The following IGF2BP1 variants were observed in gnomAD, a reference collection of about 807,000 sequenced individuals.
The protein encoded by IGF2BP1 is insulin like growth factor 2 mRNA binding protein 1, also known as insulin-like growth factor 2 mRNA-binding protein 1.
IGF2BP1 carries 11 observed loss-of-function variants against 74.9 expected under a neutral mutation model. The observed-to-expected ratio is 0.15, with a 90% CI of 0.09 to 0.24. IGF2BP1 has a LOEUF of 0.24. IGF2BP1 is among the 10% of genes least tolerant of loss of function. The pLI is 1.00. For missense variants in IGF2BP1, 440 were observed against 757.4 expected (o/e 0.58, Z 4.92); for synonymous variants, 287 against 281.8 (o/e 1.02, Z -0.18).
At chr17:49,049,167 A>C (rs1421783213) in intron 14 of IGF2BP1, among the ~76,000 whole-genome samples, 185 bp from the exon 15 acceptor site, 1 of 152,122 alleles carries the variant, frequency 6.6e-6, no homozygotes, top group African/African-American at 2.4e-5. Context: ...GGGGATACTC[A>C]GGCTCCACTG....
intron 2 of IGF2BP1, among the ~76,000 whole-genome samples, chr17:49,025,313 A>AGAGTGT (rs2041838295): frequency 3.0e-5 from 4 of 133,554 alleles, no homozygotes; most frequent in African/African-American, 2.8e-5. Context: ...GGACAAACAA[A>AGAGTGT]GTGTGTGTGT....
rs181945006 is a variant in IGF2BP1, at chr17:49,052,963, C to A, written c.*3519C>A. ...ACTTTGAAGCTGCATCTGCCAGTTA[C>A]ACCCCAAATGGCTTTAATCCCCTCT... On this transcript the variant is annotated 3_prime_UTR_variant, in exon 15 of 15. Transcript: ENST00000290341. 2 of 152,254 alleles carry A rather than the reference C, an allele frequency of 1.3e-5. No individual in the cohort carries two copies. Among genetic ancestry groups the A allele is most frequent in the Non-Finnish European group, 2.9e-5 (2 of 68,064 alleles). The allele number at this position is 152,254 out of a possible 1,614,324, so 9.4% of individuals were successfully genotyped here. A position where few individuals can be genotyped will look rare whatever the true frequency, so the allele number is the denominator to read the frequency against.
rs1426779394 is a variant in IGF2BP1 at position 49,055,618 on chromosome 17, T to A, written c.*6174T>A. On this transcript the variant is annotated 3_prime_UTR_variant, in exon 15 of 15. Transcript: ENST00000290341. ...AAATGAATTTCAGCAGATTATGTGTTACCATAATGAATAAACGTCCTCTAT... is the reference window on the plus strand; with the variant it reads ...AAATGAATTTCAGCAGATTATGTGTAACCATAATGAATAAACGTCCTCTAT... The A allele has an allele frequency of 2.5e-6, 1 of 398,512 alleles. No individual in the cohort carries two copies. Among genetic ancestry groups the A allele is most frequent in the African/African-American group, 2.1e-5 (1 of 48,634 alleles). 24.7% of individuals were successfully genotyped at this position (398,512 alleles called of 1,614,324 possible). A position where few individuals can be genotyped will look rare whatever the true frequency, so the allele number is the denominator to read the frequency against.
At chr17:49,025,094 A>C (rs1490377341) in intron 2 of IGF2BP1, among the ~76,000 whole-genome samples, 2 of 152,158 alleles carry the variant, frequency 1.3e-5, no homozygotes, top group Non-Finnish European at 2.9e-5. Flanking sequence ...AGGGAGGCTG[A>C]GGCAGGAGAA....
At position 49,055,451 on chromosome 17, in the gene IGF2BP1, A is replaced by G. The variant is rs1026116250; in HGVS notation, c.*6007A>G. On this transcript the variant is annotated 3_prime_UTR_variant, in exon 15 of 15. Transcript: ENST00000290341. ...CACCCCTGTCCCCCCTCCCCTGCCA[A>G]TAAGCTCCCCCAGGAATAAAGGCTT... The G allele has an allele frequency of 2.7e-6, 1 of 368,930 alleles. No individual in the cohort carries two copies. The highest frequency in any genetic ancestry group is 4.8e-6 in the Non-Finnish European group (1 of 208,048). 22.9% of individuals were successfully genotyped at this position (368,930 alleles called of 1,614,324 possible). A position where few individuals can be genotyped will look rare whatever the true frequency, so the allele number is the denominator to read the frequency against.
chr17:49,038,895 T>TTTTTTTA (rs71144559), intron 6 of IGF2BP1, among the ~76,000 whole-genome samples: 1 of 137,382 alleles, frequency 7.3e-6, no homozygotes, highest in African/African-American at 2.8e-5. Context: ...TTTTTTTTTT[T>TTTTTTTA]GAGACAGAGT....
Position 49,051,669 on chromosome 17 carries a change from G to A in IGF2BP1, c.*2225G>A, listed in dbSNP as rs1176060438. 1.3e-5 allele frequency: 2 copies of A among 151,976 alleles called. No individual in the cohort carries two copies. Among genetic ancestry groups the A allele is most frequent in the African/African-American group, 2.4e-5 (1 of 41,346 alleles). The allele number at this position is 151,976 out of a possible 1,614,324, so 9.4% of individuals were successfully genotyped here. On this transcript the variant is annotated 3_prime_UTR_variant, in exon 15 of 15. Transcript: ENST00000290341. ...TGAGATATTTTAAAATATTGCCTCC[G>A]TTTTATCGAGGAGAGAAATAATAAC... is the stretch of plus-strand genomic sequence containing the variant.
chr17:49,000,910 A>AGGCTCTTTTTTGAG (rs2143913460), intron 2 of IGF2BP1, among the ~76,000 whole-genome samples: 1 of 150,128 alleles, frequency 6.7e-6, no homozygotes, highest in African/African-American at 2.4e-5. Context: ...TTTGAGTTGG[A>AGGCTCTTTTTTGAG]ATGGAGAGGG....
intron 11 of IGF2BP1, among the ~76,000 whole-genome samples, chr17:49,044,635 G>A (rs1327181374): frequency 6.6e-6 from 1 of 152,220 alleles, no homozygotes; most frequent in Admixed American, 6.5e-5. Context: ...AACCTTGATT[G>A]TTCTCCAGTG....
intron 8 of IGF2BP1, 135 bp downstream of exon 8, chr17:49,041,635 A>T: frequency 8.5e-7 from 1 of 1,173,398 alleles, no homozygotes; most frequent in South Asian, 1.5e-5. Context: ...AAACAGTCGA[A>T]GTGGTAAAGA....
intron 9 of IGF2BP1, among the ~76,000 whole-genome samples, chr17:49,043,088 A>T (rs1029748801): frequency 2.6e-5 from 4 of 152,046 alleles, no homozygotes; most frequent in Non-Finnish European, 5.9e-5. Context: ...CCTTTTTCTC[A>T]TATAGGGGGT....
intron 11 of IGF2BP1, 86 bp from the exon 12 acceptor site, chr17:49,044,905 G>T: frequency 8.9e-7 from 1 of 1,129,700 alleles, no homozygotes; most frequent in Non-Finnish European, 1.3e-6. Flanking sequence ...TGGGAGTAAG[G>T]GTGGTAGAAG....
intron 2 of IGF2BP1, among the ~76,000 whole-genome samples, chr17:49,006,148 G>C (rs1426603275): frequency 6.6e-6 from 1 of 152,220 alleles, no homozygotes; most frequent in Admixed American, 6.5e-5. Context: ...AATTTGATTG[G>C]ATAGTTTAGT....
chr17:49,033,499 C>T (rs1041791584), intron 5 of IGF2BP1, among the ~76,000 whole-genome samples: 1 of 151,960 alleles, frequency 6.6e-6, no homozygotes, highest in African/African-American at 2.4e-5. Context: ...TGGACCACCA[C>T]ACCTGGCTAA....
At chr17:49,024,760 TA>T (rs1407524812) in intron 2 of IGF2BP1, among the ~76,000 whole-genome samples, 1 of 152,264 alleles carries the variant, frequency 6.6e-6, no homozygotes, top group Non-Finnish European at 1.5e-5. Context: ...TTTGTTTGCA[TA>T]TATTATCTCA....
chr17:49,026,707 T>TCCTGCCTTCCTG (rs1313965801), intron 4 of IGF2BP1, among the ~76,000 whole-genome samples, 190 bp downstream of exon 4: 1 of 131,050 alleles, frequency 7.6e-6, no homozygotes, highest in Admixed American at 7.6e-5. Context: ...CTTCCTGCCT[T>TCCTGCCTTCCTG]CCTGCCTTCC....
chr17:49,027,541 T>TA (rs1239894218), intron 4 of IGF2BP1, among the ~76,000 whole-genome samples: 1 of 152,058 alleles, frequency 6.6e-6, no homozygotes, highest in Non-Finnish European at 1.5e-5. Context: ...GGAAAAATGA[T>TA]AAAGAATTCT....
At chr17:49,023,510 A>G (rs1453865284) in intron 2 of IGF2BP1, among the ~76,000 whole-genome samples, 2 of 152,210 alleles carry the variant, frequency 1.3e-5, no homozygotes, top group African/African-American at 4.8e-5. Flanking sequence ...CAGGACAGCC[A>G]AGGTCAACAC....
intron 1 of IGF2BP1, 37 bp from the exon 2 acceptor site, chr17:48,999,072 C>G (rs750831294): frequency 1.5e-6 from 2 of 1,291,618 alleles, no homozygotes; most frequent in Admixed American, 3.4e-5. Context: ...AACCCCTGTT[C>G]AAGCTCTCAT....
Sources: allele counts gnomAD v4.1 joint callset (sites outside exome capture counted in the v4.1 genomes callset), GRCh38; gene constraint gnomAD v4.1.1; transcripts MANE v1.5; gene names NCBI Gene and HGNC (gene_info 2026-07-23, HGNC 2026-07-21).